GPR63: variants seen among roughly 807,000 people sequenced by gnomAD.
GPR63 encodes probable G protein-coupled receptor 63.
Under a neutral mutation model 23.1 loss-of-function variants are expected in GPR63, and 12 were observed. The observed-to-expected ratio is 0.52, with a 90% CI of 0.33 to 0.84. The LOEUF (loss-of-function observed/expected upper bound fraction) is 0.84. Ranked by LOEUF, GPR63 falls within the 40% of genes least tolerant of loss-of-function variation. GPR63 has a pLI of 0.02. For synonymous variants in GPR63, 172 were observed against 191.1 expected, an observed-to-expected ratio of 0.90 and a Z score of 0.82; for missense variants, 472 against 515.6, an observed-to-expected ratio of 0.92 and a Z score of 0.82.
Position 96,798,819 on chromosome 6 carries a change from C to A in GPR63, c.913G>T (p.Asp305Tyr), listed in dbSNP as rs1484581520. ...AAGGCACGTGTTTTAAAGCCCATGT[C>A]AATGCTCATCTGGAAAGGTCTCTGC... ...SLQRPFQMSIDMGFKTRAFTT... is the reference protein window; with the variant it reads ...SLQRPFQMSIYMGFKTRAFTT... Residue 305 changes from aspartate (D) to tyrosine (Y), a missense_variant, in exon 2 of 2, where the codon GAC becomes TAC. Asp to Tyr is a radical substitution (Grantham distance 160, BLOSUM62 -3). Coordinates refer to ENST00000229955, the MANE Select transcript of GPR63 (RefSeq NM_030784.4). 1 of 1,614,164 alleles carries A rather than the reference C, an allele frequency of 6.2e-7. No individual in the cohort carries two copies. The highest frequency in any genetic ancestry group is 1.7e-5 in the Admixed American group (1 of 60,020).
intron 1 of GPR63, among the ~76,000 whole-genome samples, chr6:96,809,940 CAT>C (rs1773998020): frequency 1.3e-5 from 2 of 152,154 alleles, no homozygotes; most frequent in Non-Finnish European, 2.9e-5. Flanking sequence ...CAAATTATAA[CAT>C]ATTATAACCA....
rs1210683114 is a variant in GPR63, at chr6:96,822,388, G to A, written c.-151+14880C>T. Among the ~76,000 whole-genome samples the A allele has an allele frequency of 2.0e-5, 3 of 152,024 alleles. No homozygotes were observed. In the South Asian group the frequency reaches 6.2e-4, roughly 32 times the overall value. On this transcript the variant is annotated intron_variant, in intron 1 of 1. Transcript: ENST00000229955. ...AGGTTCCGAAAAAAAGGTTCTAAAG[G>A]TCATACTAAAAATACTTAGAATTTT...
At chr6:96,815,423 A>T (rs1194367428) in intron 1 of GPR63, among the ~76,000 whole-genome samples, 1 of 151,698 alleles carries the variant, frequency 6.6e-6, no homozygotes, top group Non-Finnish European at 1.5e-5. Context: ...GACTGGGGAG[A>T]GGGAGAAATG....
chr6:96,806,679 G>C (rs1411067414), intron 1 of GPR63, among the ~76,000 whole-genome samples: 1 of 152,126 alleles, frequency 6.6e-6, no homozygotes, highest in African/African-American at 2.4e-5. Flanking sequence ...CATACAGTTG[G>C]GTTTGCATGG....
intron 1 of GPR63, among the ~76,000 whole-genome samples, chr6:96,836,794 C>A (rs1774741617): frequency 6.6e-6 from 1 of 152,122 alleles, no homozygotes; most frequent in Non-Finnish European, 1.5e-5. Context: ...GCGAAAGGAC[C>A]TTTCGCTCTC....
At chr6:96,824,897 C>T (rs1353386143) in intron 1 of GPR63, among the ~76,000 whole-genome samples, 5 of 152,082 alleles carry the variant, frequency 3.3e-5, no homozygotes, top group Admixed American at 1.3e-4. Flanking sequence ...AAAGAGCTGA[C>T]GCAACTGATA....
intron 1 of GPR63, among the ~76,000 whole-genome samples, chr6:96,828,642 G>A (rs763338613): frequency 3.4e-5 from 5 of 149,186 alleles, no homozygotes; most frequent in Non-Finnish European, 7.4e-5. Flanking sequence ...CAAAGAAAAA[G>A]CAGAATAGAA....
intron 1 of GPR63, among the ~76,000 whole-genome samples, chr6:96,812,343 A>C (rs1252860527): frequency 6.6e-6 from 1 of 152,200 alleles, no homozygotes; most frequent in African/African-American, 2.4e-5. Context: ...TAATGTTCAA[A>C]GGAACACTTA....
At chr6:96,799,959 C>G (rs950647368) in intron 1 of GPR63, 78 bp from the exon 2 acceptor site, 2 of 564,046 alleles carry the variant, frequency 3.5e-6, no homozygotes, top group Non-Finnish European at 6.5e-6. Flanking sequence ...GGCTGCCTTT[C>G]ATCATGAAGG....
chr6:96,800,329 T>C (rs1239224806), intron 1 of GPR63, among the ~76,000 whole-genome samples: 1 of 152,156 alleles, frequency 6.6e-6, no homozygotes, highest in African/African-American at 2.4e-5. Flanking sequence ...AATTTTACAT[T>C]AGCACAAAAC....
At chr6:96,802,540 A>AT (rs34928062) in intron 1 of GPR63, among the ~76,000 whole-genome samples, 7,259 of 136,340 alleles carry the variant, frequency 0.053, 298 homozygotes, top group African/African-American at 0.095. Context: ...ATTTTTTCTA[A>AT]TTTTTTTTTT....
intron 1 of GPR63, among the ~76,000 whole-genome samples, chr6:96,834,465 T>C (rs1439346871): frequency 6.6e-6 from 1 of 152,090 alleles, no homozygotes; most frequent in Non-Finnish European, 1.5e-5. Context: ...AAATGTTGTG[T>C]TTTGAAAGTT....
chr6:96,809,113 A>G (rs1235131665), intron 1 of GPR63, among the ~76,000 whole-genome samples: 1 of 151,290 alleles, frequency 6.6e-6, no homozygotes, highest in Non-Finnish European at 1.5e-5. Context: ...TTCAAAACCA[A>G]CCTCCCTTTC....
intron 1 of GPR63, among the ~76,000 whole-genome samples, chr6:96,815,489 A>T (rs6568611): frequency 0.9 from 137,249 of 152,230 alleles, 62,004 homozygotes; most frequent in East Asian, 1. Context: ...TAAGTTCTAA[A>T]AATCTTCTGT....
At chr6:96,828,696 C>T (rs1458994225) in intron 1 of GPR63, among the ~76,000 whole-genome samples, 1 of 151,890 alleles carries the variant, frequency 6.6e-6, no homozygotes, top group Non-Finnish European at 1.5e-5. Context: ...AGTCTTCATT[C>T]TAAATATAAA....
Position 96,798,616 on chromosome 6 carries a change from G to T in GPR63, c.1116C>A (p.Tyr372Ter). ...CATCATGGAATTTCTTAATCCTCCA[G>T]TAGTAGATCAGCGGATTCAATGCAG... ...LKSALNPLIY[Y>*]WRIKKFHDAC... Residue 372 changes from tyrosine (Y) to a stop codon, truncating the protein, a stop_gained, in exon 2 of 2, where the codon TAC becomes TAA. Transcript: ENST00000229955. LOFTEE classifies it high-confidence loss of function. The T allele has an allele frequency of 6.2e-7, 1 of 1,614,208 alleles. No homozygotes were observed. The highest frequency in any genetic ancestry group is 8.5e-7 in the Non-Finnish European group (1 of 1,180,042).
intron 1 of GPR63, among the ~76,000 whole-genome samples, chr6:96,801,262 C>T (rs1216315666): frequency 2.0e-5 from 3 of 149,180 alleles, no homozygotes; most frequent in African/African-American, 7.4e-5. Context: ...CCAGATGGTG[C>T]GATCTCAGCT....
chr6:96,802,529 A>G (rs1001746939), intron 1 of GPR63, among the ~76,000 whole-genome samples: 1 of 138,948 alleles, frequency 7.2e-6, no homozygotes, highest in Non-Finnish European at 1.6e-5. Flanking sequence ...GTAGATAAAA[A>G]ATTTTTTCTA....
At chr6:96,826,892 A>G (rs1279650200) in intron 1 of GPR63, among the ~76,000 whole-genome samples, 2 of 152,150 alleles carry the variant, frequency 1.3e-5, no homozygotes, top group Non-Finnish European at 2.9e-5. Flanking sequence ...GAAATAAAGC[A>G]TCATCAAACA....
Sources: allele counts gnomAD v4.1 joint callset (sites outside exome capture counted in the v4.1 genomes callset), GRCh38; gene constraint gnomAD v4.1.1; transcripts MANE v1.5; gene names NCBI Gene and HGNC (gene_info 2026-07-23, HGNC 2026-07-21).